The following TRAK1 variants were observed in gnomAD, a reference collection of about 807,000 sequenced individuals.
TRAK1 encodes the protein trafficking kinesin protein 1.
In TRAK1, 33 loss-of-function variants were observed where a neutral mutation model predicts 92.1. The ratio of observed to expected loss-of-function variants is 0.36; its 90% CI spans 0.27 to 0.48. The LOEUF (loss-of-function observed/expected upper bound fraction) is 0.48, where lower values mean the gene tolerates loss of function less well. Ranked by LOEUF, TRAK1 falls within the 20% of genes least tolerant of loss-of-function variation. The pLI is 0.99. For missense variants in TRAK1, 1,123 were observed against 1,257.9 expected (o/e 0.89, Z 1.62); for synonymous variants, 521 against 517.3 (o/e 1.01, Z -0.10).
chr3:42,199,417 C>T (rs935097937), intron 11 of TRAK1, among the ~76,000 whole-genome samples, 164 bp downstream of exon 11: 1 of 152,154 alleles, frequency 6.6e-6, no homozygotes, highest in African/African-American at 2.4e-5. Context: ...GACAGCATCC[C>T]TCAGCTCCTC....
At chr3:42,042,759 C>T (rs778849535) in intron 1 of TRAK1, among the ~76,000 whole-genome samples, 1 of 152,056 alleles carries the variant, frequency 6.6e-6, no homozygotes, top group Non-Finnish European at 1.5e-5. Context: ...CCCATGAAAA[C>T]GATTGCTTCA....
intron 1 of TRAK1, among the ~76,000 whole-genome samples, chr3:42,081,694 A>G (rs980960781): frequency 6.6e-6 from 1 of 152,228 alleles, no homozygotes; most frequent in Non-Finnish European, 1.5e-5. Context: ...AAATGCTGGC[A>G]TATGAATACT....
intron 15 of TRAK1, 122 bp from the exon 16 acceptor site, chr3:42,222,820 T>TA: frequency 4.0e-6 from 4 of 1,005,682 alleles, no homozygotes; most frequent in Non-Finnish European, 5.9e-6. Flanking sequence ...GGGCCTCAGC[T>TA]GGTGGAACCC....
intron 14 of TRAK1, among the ~76,000 whole-genome samples, chr3:42,215,772 T>G (rs1447924614): frequency 2.0e-5 from 3 of 152,060 alleles, no homozygotes; most frequent in African/African-American, 7.2e-5. Flanking sequence ...TTTATGTGAG[T>G]TTTTAAAATA....
At chr3:42,199,373 C>A in intron 11 of TRAK1, 120 bp downstream of exon 11, 1 of 916,486 alleles carries the variant, frequency 1.1e-6, no homozygotes, top group Non-Finnish European at 1.7e-6. Context: ...TTGTCCTTCC[C>A]AGTCCAGATT....
chr3:42,115,590 TAGAA>T (rs1028153191), intron 1 of TRAK1, among the ~76,000 whole-genome samples: 3 of 152,228 alleles, frequency 2.0e-5, no homozygotes, highest in African/African-American at 7.2e-5. Context: ...TCCGTTTTCT[TAGAA>T]AGCGTTTCTT....
chr3:42,091,650 C>G, intron 1 of TRAK1, 90 bp downstream of exon 1: 1 of 1,311,666 alleles, frequency 7.6e-7, no homozygotes, highest in Non-Finnish European at 1.1e-6. Flanking sequence ...CTGTCTCTCT[C>G]TTGCTCCGTG....
chr3:42,038,831 A>G (rs965693781), intron 1 of TRAK1, among the ~76,000 whole-genome samples: 3 of 133,732 alleles, frequency 2.2e-5, no homozygotes, highest in Non-Finnish European at 4.7e-5. Context: ...TTTGGTAGAG[A>G]CAGTCTCCCT....
At chr3:42,110,087 A>T (rs1368962443) in intron 1 of TRAK1, among the ~76,000 whole-genome samples, 1 of 79,568 alleles carries the variant, frequency 1.3e-5, no homozygotes, top group Non-Finnish European at 2.5e-5. Context: ...GTACCCTAGA[A>T]CTTAAAGTAT....
At chr3:42,181,279 C>T (rs150742463) in intron 3 of TRAK1, among the ~76,000 whole-genome samples, 1 of 151,266 alleles carries the variant, frequency 6.6e-6, no homozygotes, top group Non-Finnish European at 1.5e-5. Flanking sequence ...CGCAGTGGCT[C>T]ACGCCTGTAA....
In TRAK1 at chr3:42,225,717, C is replaced by T. The variant is rs1409508766; in HGVS notation, c.*1980C>T. 1 of 152,152 alleles carries T rather than the reference C, an allele frequency of 6.6e-6. No individual in the cohort carries two copies. The highest frequency in any genetic ancestry group is 1.5e-5 in the Non-Finnish European group (1 of 68,008). The allele number at this position is 152,152 out of a possible 1,614,324, so 9.4% of individuals were successfully genotyped here. Reference sequence around the variant, plus strand: ...AAGTGTGTTGTAATGCATCAAAAATCAACACAATTTTATTCACTAATGAGT... The same window carrying T: ...AAGTGTGTTGTAATGCATCAAAAATTAACACAATTTTATTCACTAATGAGT... On this transcript the variant is annotated 3_prime_UTR_variant, in exon 16 of 16. Transcript: ENST00000327628.
In TRAK1 at chr3:42,204,299, C is replaced by T. The variant is rs527301098; in HGVS notation, c.1744+1547C>T. The T allele has an allele frequency of 6.9e-4, 659 of 952,384 alleles. 2 individuals are homozygous for T. Among genetic ancestry groups the T allele is most frequent in the Non-Finnish European group, 6.4e-4 (513 of 799,610 alleles). 59.0% of individuals were successfully genotyped at this position (952,384 alleles called of 1,614,324 possible). A position where few individuals can be genotyped will look rare whatever the true frequency, so the allele number is the denominator to read the frequency against. ...TTGACTCTGTGTTTCATTAGATCAT[C>T]TAAGAATATGTTTTTGAATTTATTT... On this transcript the variant is annotated intron_variant, in intron 13 of 15. Coordinates refer to ENST00000327628, the MANE Select transcript of TRAK1 (RefSeq NM_001042646.3).
Position 42,110,024 on chromosome 3 carries a change from A to G in TRAK1, c.92-15396A>G, listed in dbSNP as rs545912980. On this transcript the variant is annotated intron_variant, in intron 1 of 15. Transcript: ENST00000327628. ...TAAATGATGAGTTAATGGGTGCAGC[A>G]CACCAACATGGCACATGTATACATA... Among the ~76,000 whole-genome samples the G allele has an allele frequency of 2.1e-5, 3 of 142,214 alleles. No individual in the cohort carries two copies. In the South Asian group the frequency reaches 6.9e-4, roughly 33 times the overall value. The allele number at this position is 142,214 out of a possible 152,430, so 93.3% of individuals were successfully genotyped here. A position where few individuals can be genotyped will look rare whatever the true frequency, so the allele number is the denominator to read the frequency against.
chr3:42,122,590 C>T (rs1710031222), intron 1 of TRAK1, among the ~76,000 whole-genome samples: 1 of 152,198 alleles, frequency 6.6e-6, no homozygotes, highest in Non-Finnish European at 1.5e-5. Flanking sequence ...CCCTCAGTTA[C>T]ATGGTGGCAT....
At chr3:42,047,225 TA>T (rs1220153424) in intron 1 of TRAK1, among the ~76,000 whole-genome samples, 1 of 133,244 alleles carries the variant, frequency 7.5e-6, no homozygotes, top group Non-Finnish European at 1.7e-5. Context: ...TTTTTTTTTT[TA>T]AATCTGTCGC....
intron 1 of TRAK1, among the ~76,000 whole-genome samples, chr3:42,103,833 G>C (rs1035601508): frequency 4.6e-5 from 7 of 152,172 alleles, no homozygotes; most frequent in African/African-American, 1.7e-4. Flanking sequence ...ACTGCGGCTT[G>C]TCAGACAGTG....
In TRAK1 at chr3:42,225,190, G is replaced by A. The variant is rs1710674524; in HGVS notation, c.*1453G>A. On this transcript the variant is annotated 3_prime_UTR_variant, in exon 16 of 16. Coordinates refer to ENST00000327628, the MANE Select transcript of TRAK1 (RefSeq NM_001042646.3). Reference sequence around the variant, plus strand: ...ATGTGACTTATTTATTCTAATTTGAGGGCTGCACTGTACACCATGGTGTCC... The same window carrying A: ...ATGTGACTTATTTATTCTAATTTGAAGGCTGCACTGTACACCATGGTGTCC... 1 of 152,168 alleles carries A rather than the reference G, an allele frequency of 6.6e-6. No homozygotes were observed. 9.4% of individuals were successfully genotyped at this position (152,168 alleles called of 1,614,324 possible). A position where few individuals can be genotyped will look rare whatever the true frequency, so the allele number is the denominator to read the frequency against.
At chr3:42,159,045 A>G (rs1293777412) in intron 2 of TRAK1, among the ~76,000 whole-genome samples, 1 of 151,610 alleles carries the variant, frequency 6.6e-6, no homozygotes, top group South Asian at 2.1e-4. Context: ...TAAAATCTTT[A>G]TTATCTCTGG....
chr3:42,151,218 A>ACCATCCAGTTCC (rs931678302), intron 2 of TRAK1: 50 of 384,166 alleles, frequency 1.3e-4, no homozygotes, highest in African/African-American at 1.1e-3. Context: ...CAAATGCCAC[A>ACCATCCAGTTCC]CCATCCAGTT....
Sources: gnomAD v4.1 joint callset for allele counts (sites outside exome capture counted in the v4.1 genomes callset) on GRCh38, gnomAD v4.1.1 for gene constraint, MANE v1.5 for transcripts, NCBI Gene and HGNC (gene_info 2026-07-23, HGNC 2026-07-21) for gene names.